Variants in AKR1C3 observed in about 807,000 individuals in gnomAD.
AKR1C3 encodes aldo-keto reductase family 1 member C3.
Under a neutral mutation model 43.6 loss-of-function variants are expected in AKR1C3, and 48 were observed. That is an observed-to-expected ratio of 1.10 (90% CI 0.87 to 1.40). The LOEUF (loss-of-function observed/expected upper bound fraction) is 1.40. Among genes scored for constraint, AKR1C3 ranks in the 40% most tolerant of loss-of-function variants. AKR1C3 has a pLI of 0.00. For synonymous variants in AKR1C3, 162 were observed against 139.6 expected, an observed-to-expected ratio of 1.16 and a Z score of -1.13; for missense variants, 482 against 391.2, an observed-to-expected ratio of 1.23 and a Z score of -1.96.
intron 1 of AKR1C3, among the ~76,000 whole-genome samples, chr10:5,060,014 AG>A (rs1195225298): frequency 6.6e-6 from 1 of 152,108 alleles, no homozygotes; most frequent in African/African-American, 2.4e-5. Context: ...TCGCTGGCTC[AG>A]GAGTGAAGCT....
intron 1 of AKR1C3, among the ~76,000 whole-genome samples, chr10:5,058,430 C>A (rs149079068): frequency 1.2e-3 from 190 of 152,284 alleles, no homozygotes; most frequent in Middle Eastern, 3.4e-3. Flanking sequence ...AAATGAGCCA[C>A]CTCTTTTTCA....
chr10:5,105,849 G>A (rs1292228582), intron 8 of AKR1C3, among the ~76,000 whole-genome samples, 172 bp downstream of exon 8: 1 of 152,164 alleles, frequency 6.6e-6, no homozygotes, highest in Non-Finnish European at 1.5e-5. Context: ...CAGGGTGAGT[G>A]GGCAGGGATC....
chr10:5,060,337 C>T (rs190455975), intron 1 of AKR1C3, among the ~76,000 whole-genome samples: 332 of 152,216 alleles, frequency 2.2e-3, no homozygotes, highest in Admixed American at 5.2e-3. Context: ...TACAGAGAGC[C>T]GATTGGTCTG....
At chr10:5,055,004 T>C (rs1299195248) in intron 1 of AKR1C3, among the ~76,000 whole-genome samples, 1 of 152,272 alleles carries the variant, frequency 6.6e-6, no homozygotes, top group Non-Finnish European at 1.5e-5. Flanking sequence ...CTTTCCACAT[T>C]GCAGCATGGG....
At chr10:5,098,023 T>TATTA in intron 3 of AKR1C3, 2 of 1,003,388 alleles carry the variant, frequency 2.0e-6, no homozygotes, top group Non-Finnish European at 2.4e-6. Context: ...TGCAAAGCTT[T>TATTA]ATTATTCTGC....
intron 5 of AKR1C3, among the ~76,000 whole-genome samples, chr10:5,101,329 GTATT>G (rs1351241707): frequency 6.7e-6 from 1 of 149,100 alleles, no homozygotes; most frequent in African/African-American, 2.6e-5. Flanking sequence ...ATTTATTATT[GTATT>G]TATTATTTTT....
chr10:5,077,409 C>T (rs578197753), intron 1 of AKR1C3, among the ~76,000 whole-genome samples: 2 of 152,228 alleles, frequency 1.3e-5, no homozygotes, highest in Non-Finnish European at 2.9e-5. Flanking sequence ...TTTTCATTTC[C>T]TTCTGTTGCT....
chr10:5,059,081 C>A (rs150473351), intron 1 of AKR1C3, among the ~76,000 whole-genome samples: 1 of 152,282 alleles, frequency 6.6e-6, no homozygotes, highest in African/African-American at 2.4e-5. Flanking sequence ...TCCCCACATC[C>A]TAGCTTCAGG....
At chr10:5,084,633 T>A (rs554859926) in intron 1 of AKR1C3, among the ~76,000 whole-genome samples, 1 of 152,244 alleles carries the variant, frequency 6.6e-6, no homozygotes, top group South Asian at 2.1e-4. Flanking sequence ...GGTAGCTTGA[T>A]GGGGATGGCA....
At chr10:5,078,674 T>G (rs938185119) in intron 1 of AKR1C3, among the ~76,000 whole-genome samples, 5 of 152,216 alleles carry the variant, frequency 3.3e-5, no homozygotes, top group Non-Finnish European at 5.9e-5. Flanking sequence ...GGGATCTCAC[T>G]GGAGGACATG....
intron 1 of AKR1C3, among the ~76,000 whole-genome samples, chr10:5,061,181 G>A (rs1373895304): frequency 6.6e-6 from 1 of 152,206 alleles, no homozygotes; most frequent in African/African-American, 2.4e-5. Context: ...GGACTGCAAG[G>A]GCTGCCAGCA....
intron 3 of AKR1C3, 68 bp from the exon 4 acceptor site, chr10:5,098,734 C>A: frequency 2.3e-6 from 3 of 1,285,014 alleles, no homozygotes; most frequent in Non-Finnish European, 3.4e-6. Context: ...CTTAAAGGTA[C>A]CTGGGGTTAC....
chr10:5,050,097 A>G (rs1251235654), intron 1 of AKR1C3, among the ~76,000 whole-genome samples: 2 of 152,202 alleles, frequency 1.3e-5, no homozygotes, highest in East Asian at 3.9e-4. Context: ...CAGATCAAAA[A>G]CATTTCCATC....
exon 9 of AKR1C3, chr10:5,107,683 A>ATAAT (rs1229146261): frequency 5.4e-6 from 3 of 556,422 alleles, no homozygotes; most frequent in African/African-American, 3.9e-5. Context: ...TCATTTTGAA[A>ATAAT]TAATTGAATG....
Position 5,094,474 on chromosome 10 carries a change from A to C in AKR1C3, c.30A>C (p.Leu10=). ...ATTCCAAACACCAGTGTGTAAAGCT[A>C]AATGATGGCCACTTCATGCCTGTAT... MDSKHQCVK[L]NDGHFMPVLG... Residue 10 remains leucine (L), a synonymous_variant, in exon 1 of 9, where the codon CTA becomes CTC. Transcript: ENST00000380554. The C allele has an allele frequency of 6.2e-7, 1 of 1,612,890 alleles. No homozygotes were observed. Among genetic ancestry groups the C allele is most frequent in the African/African-American group, 1.3e-5 (1 of 74,980 alleles).
chr10:5,076,069 T>TCACTTG (rs1228769108), intron 1 of AKR1C3, among the ~76,000 whole-genome samples: 3 of 152,140 alleles, frequency 2.0e-5, no homozygotes, highest in Admixed American at 6.5e-5. Flanking sequence ...CAACCACCTT[T>TCACTTG]CACTTGCATT....
chr10:5,075,382 A>G (rs559041413), intron 1 of AKR1C3, among the ~76,000 whole-genome samples: 1 of 152,292 alleles, frequency 6.6e-6, no homozygotes, highest in Admixed American at 6.5e-5. Flanking sequence ...GCTCTCCCAC[A>G]GAAAGACCCA....
At chr10:5,099,542 T>C (rs1839297579) in intron 5 of AKR1C3, 93 bp downstream of exon 5, 1 of 1,581,316 alleles carries the variant, frequency 6.3e-7, no homozygotes, top group Non-Finnish European at 8.6e-7. Flanking sequence ...CCAGTTATCT[T>C]TGTGAAGTAG....
At chr10:5,052,311 T>G (rs1838169686) in intron 1 of AKR1C3, among the ~76,000 whole-genome samples, 1 of 151,966 alleles carries the variant, frequency 6.6e-6, no homozygotes, top group Non-Finnish European at 1.5e-5. Context: ...ACCCAAAGAG[T>G]GAGCAGTAGC....
Sources: gnomAD v4.1 joint callset for allele counts (sites outside exome capture counted in the v4.1 genomes callset) on GRCh38, gnomAD v4.1.1 for gene constraint, MANE v1.5 for transcripts, NCBI Gene and HGNC (gene_info 2026-07-23, HGNC 2026-07-21) for gene names.